Variants in ZFHX3 observed in about 807,000 individuals in gnomAD.
ZFHX3 encodes zinc finger homeobox protein 3.
A neutral mutation model predicts 279.1 loss-of-function variants in ZFHX3; 42 were observed. The observed-to-expected ratio is 0.15, with a 90% CI of 0.12 to 0.19. The LOEUF is 0.19. Ranked by LOEUF, ZFHX3 falls within the 10% of genes least tolerant of loss-of-function variation. The pLI is 1.00. For missense variants in ZFHX3, 4,981 were observed against 4,754.0 expected (o/e 1.05, Z -1.40); for synonymous variants, 2,293 against 1,957.8 (o/e 1.17, Z -4.52).
In ZFHX3 at chr16:73,512,272, CAAAAAAAAAAA is replaced by C. The variant is rs3087038; in HGVS notation, c.-1546-56025_-1546-56015del. 2.3e-4 allele frequency among the ~76,000 whole-genome samples: 20 copies of C among 87,842 alleles called. 1 individual carries two copies. The highest frequency in any genetic ancestry group is 8.1e-4 in the South Asian group (2 of 2,472). 57.6% of individuals were successfully genotyped at this position (87,842 alleles called of 152,430 possible). On this transcript the variant is annotated intron_variant, in intron 2 of 17. Coordinates refer to the ZFHX3 transcript ENST00000641206. ...GTGAAACCCTGTCTCCACTAAAATA[CAAAAAAAAAAA>C]AAAAAAAAAAAAAAATTAGCTGGGC...
At position 73,536,322 on chromosome 16, in the gene ZFHX3, C is replaced by T. The variant is rs117123029; in HGVS notation, c.-1546-80064G>A. 4.6e-5 allele frequency among the ~76,000 whole-genome samples: 7 copies of T among 152,218 alleles called. No individual in the cohort carries two copies. The East Asian group carries it at 1.4e-3, about 29-fold the overall frequency. On this transcript the variant is annotated intron_variant, in intron 2 of 17. Transcript: ENST00000641206. ...AAAAACATTCAAAATATGAAGTTCA[C>T]ACCAGGAAAAAATAATAAAACAGGT...
intron 2 of ZFHX3, among the ~76,000 whole-genome samples, chr16:73,494,166 A>G (rs1227993905): frequency 6.6e-6 from 1 of 152,122 alleles, no homozygotes; most frequent in African/African-American, 2.4e-5. Context: ...AGTTATGTGT[A>G]TTGGATCTGA....
intron 2 of ZFHX3, among the ~76,000 whole-genome samples, chr16:73,525,321 G>A (rs922543955): frequency 1.3e-5 from 2 of 152,130 alleles, no homozygotes; most frequent in African/African-American, 4.8e-5. Flanking sequence ...ACAAAATCCA[G>A]TAACATGTAG....
chr16:73,393,609 G>A (rs946606659), intron 3 of ZFHX3, among the ~76,000 whole-genome samples: 1 of 152,172 alleles, frequency 6.6e-6, no homozygotes, highest in Admixed American at 6.5e-5. Flanking sequence ...CTTCTCACGT[G>A]AATCTTCCTT....
At chr16:73,459,662 C>G (rs4586451) in intron 2 of ZFHX3, among the ~76,000 whole-genome samples, 8,306 of 152,194 alleles carry the variant, frequency 0.055, 728 homozygotes, top group African/African-American at 0.19. Flanking sequence ...GCCACCACGC[C>G]CAGCCAGGAA....
At position 72,787,449 on chromosome 16, in the gene ZFHX3, GGAAGCGGAGGAGGGGGCGGCGGCCGAC is replaced by G; in HGVS notation, c.10800_10826del (p.Ser3601_Ser3609del). The G allele has an allele frequency of 1.9e-6, 3 of 1,604,694 alleles. No homozygotes were observed. The highest frequency in any genetic ancestry group is 2.2e-5 in the South Asian group (2 of 90,434). On this transcript the variant is annotated inframe_deletion, in exon 10 of 10. Coordinates refer to ENST00000268489, the MANE Select transcript of ZFHX3 (RefSeq NM_006885.4). The stretch of plus-strand genomic sequence containing the variant: ...GCCAAGACTTCCTGGAGGCGTGGGG[GGAAGCGGAGGAGGGGGCGGCGGCCGAC>G]GGGGGAGGGGGGCTGTCGTTTGAGT...
At chr16:72,923,979 C>T (rs1317577556) in intron 3 of ZFHX3, among the ~76,000 whole-genome samples, 2 of 152,154 alleles carry the variant, frequency 1.3e-5, no homozygotes, top group African/African-American at 2.4e-5. Flanking sequence ...TCACAGATGG[C>T]GAATTCACAA....
chr16:73,418,868 C>T (rs916794763), intron 3 of ZFHX3, among the ~76,000 whole-genome samples: 5 of 152,186 alleles, frequency 3.3e-5, no homozygotes, highest in African/African-American at 1.2e-4. Flanking sequence ...TTTTCACGTC[C>T]TCCCTGATTT....
intron 2 of ZFHX3, among the ~76,000 whole-genome samples, chr16:73,619,573 G>A (rs2052338589): frequency 6.6e-6 from 1 of 151,516 alleles, no homozygotes; most frequent in Admixed American, 6.6e-5. Context: ...TGAACTCAGA[G>A]AGTCAATGTT....
intron 1 of ZFHX3, among the ~76,000 whole-genome samples, chr16:73,842,859 C>G (rs1019522098): frequency 6.6e-6 from 1 of 152,126 alleles, no homozygotes; most frequent in Admixed American, 6.5e-5. Flanking sequence ...CATGCCCCAG[C>G]TCTTATGACC....
chr16:73,339,044 A>G (rs369355889), intron 3 of ZFHX3, among the ~76,000 whole-genome samples: 1 of 152,190 alleles, frequency 6.6e-6, no homozygotes, highest in Non-Finnish European at 1.5e-5. Context: ...GCTATGCTTC[A>G]TGTACAGCCT....
intron 3 of ZFHX3, among the ~76,000 whole-genome samples, chr16:72,912,082 G>A (rs2144190834): frequency 1.3e-5 from 2 of 152,308 alleles, no homozygotes; most frequent in Non-Finnish European, 1.5e-5. Context: ...AGGCAGGAAA[G>A]GCTGATTTTC....
chr16:73,514,104 T>C (rs940293634), intron 2 of ZFHX3, among the ~76,000 whole-genome samples: 1 of 151,906 alleles, frequency 6.6e-6, no homozygotes, highest in Non-Finnish European at 1.5e-5. Context: ...AAAAATTAGC[T>C]GAACATGGTG....
chr16:73,373,017 A>G (rs562880971), intron 3 of ZFHX3, among the ~76,000 whole-genome samples: 1 of 152,256 alleles, frequency 6.6e-6, no homozygotes, highest in Non-Finnish European at 1.5e-5. Context: ...GAGTTTAATG[A>G]GTTGAACATC....
At chr16:73,835,725 C>G (rs907303979) in intron 1 of ZFHX3, among the ~76,000 whole-genome samples, 2 of 152,090 alleles carry the variant, frequency 1.3e-5, no homozygotes, top group African/African-American at 4.8e-5. Context: ...CCTGCCTCGG[C>G]CTTCCAGAGT....
At position 73,040,166 on chromosome 16, in the gene ZFHX3, T is replaced by G. The variant is rs145736611; in HGVS notation, c.-50+7586A>C. On this transcript the variant is annotated intron_variant, in intron 1 of 9. Transcript: ENST00000268489. ...TGGGGGAGTCACTGGCATGCCCAGT[T>G]CACCATGCCTGACCACACAGGCTAG... Among the ~76,000 whole-genome samples, 750 of 152,174 alleles carry G rather than the reference T, an allele frequency of 4.9e-3. 9 individuals are homozygous for G. The highest frequency in any genetic ancestry group is 0.016 in the African/African-American group (684 of 41,538).
chr16:72,994,321 G>T (rs910793504), intron 1 of ZFHX3, among the ~76,000 whole-genome samples: 1 of 152,168 alleles, frequency 6.6e-6, no homozygotes, highest in African/African-American at 2.4e-5. Flanking sequence ...TCTGGCTCAG[G>T]TTATATTTAA....
In ZFHX3 at chr16:72,794,318, C is replaced by T; in HGVS notation, c.8364G>A (p.Val2788=). 1 of 1,607,964 alleles carries T rather than the reference C, an allele frequency of 6.2e-7. No homozygotes were observed. Among genetic ancestry groups the T allele is most frequent in the Non-Finnish European group, 8.5e-7 (1 of 1,176,542 alleles). ...TGGGTGACAATTCCATGGTTTTACTCACAGGTGAGAGGGGGACACCCTGAC... is the reference window on the plus strand; with the variant it reads ...TGGGTGACAATTCCATGGTTTTACTTACAGGTGAGAGGGGGACACCCTGAC... ...SDGQGVPLSP[V]SKTMELSPRT... The change falls in exon 9 of 10, where the codon GTG becomes GTA. Residue 2788 remains valine, a synonymous_variant. Coordinates refer to ENST00000268489, the MANE Select transcript of ZFHX3 (RefSeq NM_006885.4). This position sits in a 1 kb window ranked among gnomAD's most constrained non-coding sequence, Gnocchi z 4.2.
chr16:72,940,000 C>T (rs1960331660), intron 3 of ZFHX3, among the ~76,000 whole-genome samples: 1 of 152,152 alleles, frequency 6.6e-6, no homozygotes, highest in Admixed American at 6.5e-5. Flanking sequence ...GTCTTGAACT[C>T]TCAGGCTCAG....
Sources: allele counts gnomAD v4.1 joint callset (sites outside exome capture counted in the v4.1 genomes callset), GRCh38; gene constraint gnomAD v4.1.1; non-coding constraint Gnocchi (gnomAD v3.1); transcripts MANE v1.5; gene names NCBI Gene and HGNC (gene_info 2026-07-23, HGNC 2026-07-21).